The following PTPRT variants were observed in gnomAD, a reference collection of about 807,000 sequenced individuals.
PTPRT encodes the protein receptor-type tyrosine-protein phosphatase T.
PTPRT carries 56 observed loss-of-function variants against 176.8 expected under a neutral mutation model. The ratio of observed to expected loss-of-function variants is 0.32; its 90% confidence interval spans 0.26 to 0.40. The LOEUF (loss-of-function observed/expected upper bound fraction) is 0.40, where lower values mean the gene tolerates loss of function less well. PTPRT is among the 10% of genes least tolerant of loss of function. PTPRT has a pLI of 1.00. For missense variants in PTPRT, 1,540 were observed against 1,908.2 expected (o/e 0.81, Z 3.60); for synonymous variants, 783 against 739.0 (o/e 1.06, Z -0.96).
intron 11 of PTPRT, among the ~76,000 whole-genome samples, chr20:42,329,891 A>G (rs2057943146): frequency 6.6e-6 from 1 of 152,236 alleles, no homozygotes; most frequent in South Asian, 2.1e-4. Flanking sequence ...TAAGGATCAA[A>G]GATAGGAATA....
At chr20:42,975,738 G>T (rs971015804) in intron 1 of PTPRT, among the ~76,000 whole-genome samples, 1 of 152,064 alleles carries the variant, frequency 6.6e-6, no homozygotes, top group African/African-American at 2.4e-5. Flanking sequence ...GGGAAATCTG[G>T]CAGTCTAGCC....
At chr20:42,115,889 G>A in intron 21 of PTPRT, 1 of 602,552 alleles carries the variant, frequency 1.7e-6, no homozygotes, top group South Asian at 2.0e-5. Context: ...TTGGGAAAAG[G>A]ATGGTAGCTG....
rs368305261 is a variant in PTPRT at position 43,086,762 on chromosome 20, G to A, written c.88+102884C>T. On this transcript the variant is annotated intron_variant, in intron 1 of 30. Coordinates refer to ENST00000373187, the MANE Select transcript of PTPRT (RefSeq NM_007050.6). ...CAAAGTTATTGAATAAAACCTAGCAGGCTTAGAGCTTACTAATCCTACTGT... is the reference window on the plus strand; with the variant it reads ...CAAAGTTATTGAATAAAACCTAGCAAGCTTAGAGCTTACTAATCCTACTGT... 3.6e-3 allele frequency among the ~76,000 whole-genome samples: 545 copies of A among 152,284 alleles called. 1 individual carries two copies. Among genetic ancestry groups the A allele is most frequent in the South Asian group, 0.012 (57 of 4,826 alleles).
chr20:42,788,865 G>C (rs895414410), intron 3 of PTPRT, among the ~76,000 whole-genome samples: 1 of 152,176 alleles, frequency 6.6e-6, no homozygotes, highest in South Asian at 2.1e-4. Context: ...AGCCTTTCAA[G>C]AACTCTACTA....
chr20:42,699,429 G>C (rs1386970137), intron 6 of PTPRT, among the ~76,000 whole-genome samples: 2 of 152,050 alleles, frequency 1.3e-5, no homozygotes, highest in African/African-American at 4.8e-5. Flanking sequence ...CACACTCATG[G>C]ATATTTACTT....
chr20:42,181,742 G>C (rs1281961819), intron 16 of PTPRT, among the ~76,000 whole-genome samples: 2 of 152,110 alleles, frequency 1.3e-5, no homozygotes. Context: ...TAGTCTCCAG[G>C]GATATAGTAG....
At chr20:42,875,323 G>A (rs1034931071) in intron 2 of PTPRT, among the ~76,000 whole-genome samples, 11 of 152,240 alleles carry the variant, frequency 7.2e-5, no homozygotes, top group Non-Finnish European at 1.5e-4. Context: ...CATATCCTCC[G>A]GAATAATTAC....
chr20:42,525,032 C>T (rs2072243802), intron 7 of PTPRT, among the ~76,000 whole-genome samples: 1 of 152,114 alleles, frequency 6.6e-6, no homozygotes, highest in Non-Finnish European at 1.5e-5. Flanking sequence ...TTGCTCTGTT[C>T]CCTGGAGTGC....
chr20:42,110,695 T>C (rs1986931821), intron 22 of PTPRT, among the ~76,000 whole-genome samples: 1 of 152,226 alleles, frequency 6.6e-6, no homozygotes, highest in East Asian at 1.9e-4. Context: ...CCGATGGCTT[T>C]ATTGCAGGAT....
intron 1 of PTPRT, among the ~76,000 whole-genome samples, chr20:42,977,499 T>C (rs533623590): frequency 3.9e-5 from 6 of 152,334 alleles, no homozygotes; most frequent in Admixed American, 2.6e-4. Flanking sequence ...TAAAGTAGTT[T>C]GGAAGATTCT....
At chr20:42,491,192 C>T (rs546310576) in intron 7 of PTPRT, among the ~76,000 whole-genome samples, 5 of 152,200 alleles carry the variant, frequency 3.3e-5, no homozygotes, top group East Asian at 1.9e-4. Context: ...TATACATTCA[C>T]GCATGAAATG....
At chr20:42,484,812 T>A (rs148520076) in intron 7 of PTPRT, among the ~76,000 whole-genome samples, 133 of 152,338 alleles carry the variant, frequency 8.7e-4, no homozygotes, top group African/African-American at 2.3e-3. Context: ...CTGCCTAAAC[T>A]TCCTTAATAT....
intron 18 of PTPRT, among the ~76,000 whole-genome samples, chr20:42,134,033 A>C (rs1988258726): frequency 6.6e-6 from 1 of 152,234 alleles, no homozygotes. Flanking sequence ...GTGTGTGTTC[A>C]CTAAAGGGTG....
chr20:42,252,996 G>A (rs562454382), intron 13 of PTPRT, among the ~76,000 whole-genome samples: 2 of 152,232 alleles, frequency 1.3e-5, no homozygotes, highest in South Asian at 2.1e-4. Context: ...AGGGGAACTT[G>A]CCCTAGACTC....
chr20:42,683,281 G>T (rs1257442977), intron 6 of PTPRT, among the ~76,000 whole-genome samples: 2 of 151,602 alleles, frequency 1.3e-5, no homozygotes, highest in Admixed American at 6.6e-5. Flanking sequence ...TTTTTGTTTT[G>T]TTTTGTTTTG....
intron 5 of PTPRT, among the ~76,000 whole-genome samples, chr20:42,770,574 C>G (rs1417780805): frequency 4.6e-5 from 7 of 152,124 alleles, no homozygotes; most frequent in African/African-American, 1.7e-4. Flanking sequence ...CAAACACTTC[C>G]CTGATGGACT....
At chr20:42,707,042 C>T (rs2146186189) in intron 6 of PTPRT, among the ~76,000 whole-genome samples, 2 of 152,278 alleles carry the variant, frequency 1.3e-5, no homozygotes, top group South Asian at 4.1e-4. Context: ...CAGGCAACCT[C>T]CAAAAGCCAG....
At chr20:43,137,079 G>A (rs947199) in intron 1 of PTPRT, among the ~76,000 whole-genome samples, 143,792 of 152,252 alleles carry the variant, frequency 0.94, 68,446 homozygotes, top group East Asian at 1. Flanking sequence ...TTCTACCTGT[G>A]ACTACTCAGG....
intron 17 of PTPRT, among the ~76,000 whole-genome samples, chr20:42,154,775 C>T (rs1007681566): frequency 4.6e-5 from 7 of 152,174 alleles, no homozygotes; most frequent in East Asian, 1.9e-4. Context: ...ACAGATAACT[C>T]GGCTCTCCAG....
Sources: gnomAD v4.1 joint callset for allele counts (sites outside exome capture counted in the v4.1 genomes callset) on GRCh38, gnomAD v4.1.1 for gene constraint, MANE v1.5 for transcripts, NCBI Gene and HGNC (gene_info 2026-07-23, HGNC 2026-07-21) for gene names.